NSD3: variants seen among roughly 807,000 people sequenced by gnomAD.
NSD3 encodes the protein histone-lysine N-methyltransferase NSD3.
Under a neutral mutation model 160.8 loss-of-function variants are expected in NSD3, and 24 were observed. The ratio of observed to expected loss-of-function variants is 0.15; its 90% CI spans 0.11 to 0.21. The LOEUF (loss-of-function observed/expected upper bound fraction) is 0.21, where lower values mean the gene tolerates loss of function less well. Ranked by LOEUF, NSD3 falls within the 10% of genes least tolerant of loss-of-function variation. NSD3 has a pLI of 1.00. For missense variants in NSD3, 1,157 were observed against 1,735.9 expected (o/e 0.67, Z 5.93); for synonymous variants, 520 against 600.0 (o/e 0.87, Z 1.95).
Position 38,275,891 on chromosome 8 carries a change from G to C in NSD3, c.4073-9C>G. ...CGGACACTCCCACTTTCCTAATTCG[G>C]GGAGATGGGGAGGAAGAAGGAGAAG... On this transcript the variant is annotated splice_polypyrimidine_tract_variant and intron_variant, in intron 23 of 23. Transcript: ENST00000317025. 6.2e-7 allele frequency: 1 copy of C among 1,610,194 alleles called. No individual in the cohort carries two copies. Among genetic ancestry groups the C allele is most frequent in the Non-Finnish European group, 8.5e-7 (1 of 1,177,416 alleles).
At chr8:38,370,105 T>A (rs530824413) in intron 1 of NSD3, among the ~76,000 whole-genome samples, 44 of 152,206 alleles carry the variant, frequency 2.9e-4, no homozygotes, top group African/African-American at 9.9e-4. Flanking sequence ...GCCCACCCAG[T>A]TTTTAAAAAA....
rs563786155 is a variant in NSD3, at chr8:38,344,851, A to G, written c.675+2646T>C. Reference sequence around the variant, plus strand: ...TCACTTCTCAGTTCTCTACAATGCTAAACACCAAGGGCTGGGACCCCTATG... The same window carrying G: ...TCACTTCTCAGTTCTCTACAATGCTGAACACCAAGGGCTGGGACCCCTATG... On this transcript the variant is annotated intron_variant, in intron 2 of 23. Coordinates refer to ENST00000317025, the MANE Select transcript of NSD3 (RefSeq NM_023034.2). 3.3e-5 allele frequency among the ~76,000 whole-genome samples: 5 copies of G among 152,260 alleles called. No individual in the cohort carries two copies. In the South Asian group the frequency reaches 1.0e-3, roughly 32 times the overall value.
intron 20 of NSD3, chr8:38,280,001 T>A (rs1312680516): frequency 4.9e-6 from 1 of 205,316 alleles, no homozygotes; most frequent in Non-Finnish European, 9.8e-6. Context: ...ATTAGAGATC[T>A]CAAAGTTCTG....
In NSD3 at chr8:38,298,530, CTGTGTGTGTG is replaced by C. The variant is rs143129228; in HGVS notation, c.2758+904_2758+913del. On this transcript the variant is annotated intron_variant, in intron 15 of 23. Coordinates refer to ENST00000317025, the MANE Select transcript of NSD3 (RefSeq NM_023034.2). ...CAAAAGCCCATTTCAAATACACCTA[CTGTGTGTGTG>C]TGTGTGTGTGTGTGTGTGTATAGAG... 1.2e-4 allele frequency among the ~76,000 whole-genome samples: 18 copies of C among 145,512 alleles called. No homozygotes were observed. The South Asian group carries it at 1.7e-3, about 14-fold the overall frequency.
intron 5 of NSD3, among the ~76,000 whole-genome samples, chr8:38,330,437 G>A (rs1810029804): frequency 6.6e-6 from 1 of 152,012 alleles, no homozygotes; most frequent in South Asian, 2.1e-4. Context: ...AACAGGCATG[G>A]ATGAGAAAAA....
intron 22 of NSD3, 127 bp downstream of exon 22, chr8:38,278,179 C>T (rs955715690): frequency 2.7e-5 from 17 of 630,554 alleles, no homozygotes; most frequent in Middle Eastern, 4.5e-4. Context: ...ACCTCGTGAT[C>T]TGCCCGCCTT....
chr8:38,319,074 T>A lies in NSD3; in HGVS notation c.1810-134A>T. ...TATCTGAAATCTGAACTCAGTCCCA[T>A]CTTTTGGGTAAAGTTCTCTGTCTCA... is the stretch of plus-strand genomic sequence containing the variant. On this transcript the variant is annotated intron_variant, in intron 8 of 23. Transcript: ENST00000317025. The surrounding 1 kb of genome is among the most constrained non-coding windows in gnomAD (Gnocchi z 4.1). 1 of 806,996 alleles carries A rather than the reference T, an allele frequency of 1.2e-6. No individual in the cohort carries two copies. Among genetic ancestry groups the A allele is most frequent in the South Asian group, 1.8e-5 (1 of 55,402 alleles). 50.0% of individuals were successfully genotyped at this position (806,996 alleles called of 1,614,324 possible).
intron 14 of NSD3, 79 bp from the exon 15 acceptor site, chr8:38,299,669 A>C: frequency 7.3e-7 from 1 of 1,364,468 alleles, no homozygotes; most frequent in Non-Finnish European, 9.6e-7. Context: ...ACCAACACCT[A>C]TTATGTATGC....
At position 38,338,772 on chromosome 8, in the gene NSD3, C is replaced by T. The variant is rs556369905; in HGVS notation, c.676-165G>A. On this transcript the variant is annotated intron_variant, in intron 2 of 23. Coordinates refer to ENST00000317025, the MANE Select transcript of NSD3 (RefSeq NM_023034.2). The stretch of plus-strand genomic sequence containing the variant: ...AGTAAGAATACAACTTACTCAATAC[C>T]TAATGCTGTCTCAACATTCATTTTC... 2.0e-5 allele frequency among the ~76,000 whole-genome samples: 3 copies of T among 152,216 alleles called. No individual in the cohort carries two copies. The South Asian group carries it at 6.2e-4, about 32-fold the overall frequency.
chr8:38,281,345 T>A, intron 20 of NSD3, 122 bp downstream of exon 20: 1 of 475,550 alleles, frequency 2.1e-6, no homozygotes, highest in Non-Finnish European at 3.6e-6. Context: ...CACTAGCTAC[T>A]GCAAATCATT....
Position 38,316,597 on chromosome 8 carries a change from TTGG to T in NSD3, c.1856-558_1856-556del, listed in dbSNP as rs1809670964. On this transcript the variant is annotated intron_variant, in intron 9 of 23. Transcript: ENST00000317025. The surrounding 1 kb of genome is among the most constrained non-coding windows in gnomAD (Gnocchi z 4.5). ...TCATAATTGTTCATCTGAGACTTCC[TTGG>T]TGAAGTGGCATTTATTGTGACCATT... is the stretch of plus-strand genomic sequence containing the variant. 1.2e-5 allele frequency: 13 copies of T among 1,051,898 alleles called. No homozygotes were observed. The highest frequency in any genetic ancestry group is 4.6e-5 in the South Asian group (1 of 21,930). The allele number at this position is 1,051,898 out of a possible 1,614,324, so 65.2% of individuals were successfully genotyped here. A position where few individuals can be genotyped will look rare whatever the true frequency, so the allele number is the denominator to read the frequency against.
At chr8:38,355,283 G>T (rs566684211) in intron 1 of NSD3, among the ~76,000 whole-genome samples, 1 of 152,148 alleles carries the variant, frequency 6.6e-6, no homozygotes, top group East Asian at 1.9e-4. Context: ...CAGGGCTGCC[G>T]TAAGAATTAA....
At chr8:38,284,278 T>C (rs577856522) in intron 19 of NSD3, among the ~76,000 whole-genome samples, 2 of 152,382 alleles carry the variant, frequency 1.3e-5, no homozygotes, top group East Asian at 1.9e-4. Context: ...TGGACTTTGT[T>C]ATCAGCTGAT....
At chr8:38,294,675 C>T (rs932050918) in intron 16 of NSD3, among the ~76,000 whole-genome samples, 25 of 151,992 alleles carry the variant, frequency 1.6e-4, no homozygotes, top group African/African-American at 6.0e-4. Flanking sequence ...CTAATTAAGA[C>T]ACAAAGAAAA....
At position 38,274,868 on chromosome 8, in the gene NSD3, T is replaced by C. The variant is rs2130977853; in HGVS notation, c.*773A>G. The C allele has an allele frequency of 5.5e-6, 1 of 180,488 alleles. No individual in the cohort carries two copies. The highest frequency in any genetic ancestry group is 6.3e-5 in the Admixed American group (1 of 15,936). 11.2% of individuals were successfully genotyped at this position (180,488 alleles called of 1,614,324 possible). A position where few individuals can be genotyped will look rare whatever the true frequency, so the allele number is the denominator to read the frequency against. The stretch of plus-strand genomic sequence containing the variant: ...CGCACTTCATCCAAAACCCAAACCA[T>C]CCATGTCAATGGAAAACGTTTTAAA... On this transcript the variant is annotated 3_prime_UTR_variant, in exon 24 of 24. Coordinates refer to ENST00000317025, the MANE Select transcript of NSD3 (RefSeq NM_023034.2).
intron 1 of NSD3, among the ~76,000 whole-genome samples, chr8:38,353,390 A>G (rs1306822749): frequency 1.3e-5 from 2 of 152,256 alleles, no homozygotes; most frequent in African/African-American, 2.4e-5. Context: ...GTTCTCATTT[A>G]TACTTCCAAC....
intron 12 of NSD3, among the ~76,000 whole-genome samples, chr8:38,313,043 G>A (rs1035100753): frequency 4.6e-5 from 7 of 152,192 alleles, no homozygotes; most frequent in African/African-American, 1.2e-4. Flanking sequence ...CAAATAAAAC[G>A]ATGTGCAGAT....
rs767428806 is a variant in NSD3, at chr8:38,275,682, T to A, written c.4273A>T (p.Lys1425Ter). 2 of 1,614,124 alleles carry A rather than the reference T, an allele frequency of 1.2e-6. No individual in the cohort carries two copies. The highest frequency in any genetic ancestry group is 2.7e-5 in the African/African-American group (2 of 74,950). Residue 1425 changes from lysine to a stop codon, truncating the protein, a stop_gained, in exon 24 of 24, where the codon AAA becomes TAA. Coordinates refer to ENST00000317025, the MANE Select transcript of NSD3 (RefSeq NM_023034.2). LOFTEE classifies it high-confidence loss of function. ...SPEYWSKIKC[K>*]WESQDHGEEV... ...TCTCCATGATCTTGTGATTCCCATT[T>A]ACATTTTATCTTGCTCCAGTATTCT...
intron 5 of NSD3, 70 bp downstream of exon 5, chr8:38,331,361 G>A: frequency 7.1e-7 from 1 of 1,416,088 alleles, no homozygotes; most frequent in South Asian, 1.6e-5. Flanking sequence ...ATTCAAGTAT[G>A]AAAAATTCTT....
Sources: gnomAD v4.1 joint callset for allele counts (sites outside exome capture counted in the v4.1 genomes callset) on GRCh38, gnomAD v4.1.1 for gene constraint, Gnocchi (gnomAD v3.1) non-coding constraint, MANE v1.5 for transcripts, NCBI Gene and HGNC (gene_info 2026-07-23, HGNC 2026-07-21) for gene names.